Variants in ASRGL1 observed in about 807,000 individuals in gnomAD.
ASRGL1 encodes isoaspartyl peptidase/L-asparaginase.
Under a neutral mutation model 22.4 loss-of-function variants are expected in ASRGL1, and 16 were observed. That is an observed-to-expected ratio of 0.71 (90% confidence interval 0.48 to 1.08). ASRGL1 has a LOEUF of 1.08. Among genes scored for constraint, ASRGL1 ranks in the 50% least tolerant of loss-of-function variants. The probability of loss-of-function intolerance (pLI) is 0.00; values close to 1 mark genes in which losing one functional copy is unlikely to be tolerated. For missense variants in ASRGL1, 412 were observed against 410.1 expected, an observed-to-expected ratio of 1.00 and a Z score of -0.04; for synonymous variants, 165 against 159.3, an observed-to-expected ratio of 1.04 and a Z score of -0.27.
Position 62,356,359 on chromosome 11 carries a change from T to C in ASRGL1, c.225T>C (p.Val75=). ...CTGTCTTGAACACAAATGGTGAGGT[T>C]GAAATGGATGCTAGTATCATGGATG... The part of the protein sequence containing the change: ...CGSVLNTNGE[V]EMDASIMDGK... Residue 75 remains valine, a synonymous_variant, in exon 3 of 7, where the codon GTT becomes GTC. Transcript: ENST00000415229. The C allele has an allele frequency of 6.2e-7, 1 of 1,614,186 alleles. No individual in the cohort carries two copies. Among genetic ancestry groups the C allele is most frequent in the East Asian group, 2.2e-5 (1 of 44,886 alleles).
intron 4 of ASRGL1, among the ~76,000 whole-genome samples, chr11:62,359,195 A>G (rs889187453): frequency 6.6e-6 from 1 of 152,132 alleles, no homozygotes; most frequent in African/African-American, 2.4e-5. Context: ...GTAATTTGAC[A>G]TTTTCTAGTG....
At chr11:62,356,914 AC>A (rs1946310837) in intron 3 of ASRGL1, 72 bp from the exon 4 acceptor site, 1 of 1,478,080 alleles carries the variant, frequency 6.8e-7, no homozygotes, top group African/African-American at 1.4e-5. Flanking sequence ...AATTATTTCA[AC>A]ACAGTTGGAA....
chr11:62,342,136 A>C (rs1282076471), intron 2 of ASRGL1, among the ~76,000 whole-genome samples: 1 of 152,128 alleles, frequency 6.6e-6, no homozygotes, highest in Non-Finnish European at 1.5e-5. Flanking sequence ...TACATTTTCT[A>C]TTTGTTTCGA....
At chr11:62,399,966 A>G in the ASRGL1 span, among the ~76,000 whole-genome samples, 3 of 151,694 alleles carry the variant, frequency 2.0e-5, no homozygotes, top group Non-Finnish European at 4.4e-5. Flanking sequence ...AGGAAATCCC[A>G]CCTCCTTCCC....
At chr11:62,376,344 C>CT (rs1170682504) in intron 4 of ASRGL1, among the ~76,000 whole-genome samples, 11 of 151,672 alleles carry the variant, frequency 7.3e-5, no homozygotes, top group Admixed American at 2.6e-4. Flanking sequence ...CGCGGAGGCG[C>CT]TTTTTTTTGC....
intron 2 of ASRGL1, among the ~76,000 whole-genome samples, chr11:62,349,178 A>C (rs1181928068): frequency 6.6e-6 from 1 of 152,126 alleles, no homozygotes; most frequent in East Asian, 1.9e-4. Flanking sequence ...CATGTTGGCC[A>C]GGCTGGTCTC....
At chr11:62,382,155 G>A (rs904508373) in intron 4 of ASRGL1, 8 of 152,170 alleles carry the variant, frequency 5.3e-5, no homozygotes, top group African/African-American at 1.7e-4. Flanking sequence ...GGGCCCAGTG[G>A]CGGGTGCCTG....
At position 62,372,916 on chromosome 11, in the gene ASRGL1, G is replaced by T; in HGVS notation, c.491+15772G>T. On this transcript the variant is annotated intron_variant, in intron 4 of 6. Transcript: ENST00000415229. Reference sequence around the variant, plus strand: ...AGCTGGAGAATCTGGAGCCTGGCTTGTGGGAAGAGCAGCATCATTGTGGCA... The same window carrying T: ...AGCTGGAGAATCTGGAGCCTGGCTTTTGGGAAGAGCAGCATCATTGTGGCA... The T allele has an allele frequency of 8.3e-6, 13 of 1,574,256 alleles. No individual in the cohort carries two copies. The South Asian group carries it at 1.4e-4, about 17-fold the overall frequency.
intron 4 of ASRGL1, among the ~76,000 whole-genome samples, chr11:62,386,599 G>C (rs1272508738): frequency 6.7e-6 from 1 of 149,760 alleles, no homozygotes; most frequent in Non-Finnish European, 1.5e-5. Context: ...TGCAAATAAG[G>C]GGGGACTACT....
At chr11:62,401,276 C>T in the ASRGL1 span, among the ~76,000 whole-genome samples, 1 of 152,232 alleles carries the variant, frequency 6.6e-6, no homozygotes, top group African/African-American at 2.4e-5. Context: ...ATCATTGCAG[C>T]TGCACCTTCA....
chr11:62,361,556 C>T (rs1289175941), intron 4 of ASRGL1, among the ~76,000 whole-genome samples: 2 of 143,296 alleles, frequency 1.4e-5, no homozygotes, highest in Admixed American at 1.5e-4. Flanking sequence ...GGTACAATCT[C>T]GGCTCACTGC....
At chr11:62,401,232 G>A in the ASRGL1 span, among the ~76,000 whole-genome samples, 3 of 152,188 alleles carry the variant, frequency 2.0e-5, no homozygotes, top group Non-Finnish European at 2.9e-5. Context: ...CGATTTTCAC[G>A]CTAGCAAATG....
chr11:62,374,403 T>C (rs930807345), intron 4 of ASRGL1, among the ~76,000 whole-genome samples: 1 of 152,156 alleles, frequency 6.6e-6, no homozygotes, highest in Non-Finnish European at 1.5e-5. Context: ...GGGCTCTTGG[T>C]TTCCAGAGGG....
intron 4 of ASRGL1, among the ~76,000 whole-genome samples, chr11:62,363,652 A>G (rs188740970): frequency 1.3e-3 from 197 of 152,352 alleles, no homozygotes; most frequent in African/African-American, 3.9e-3. Flanking sequence ...ATAAATCCAT[A>G]TAGTATTTGA....
intron 4 of ASRGL1, among the ~76,000 whole-genome samples, chr11:62,376,701 T>G (rs1946941385): frequency 6.6e-6 from 1 of 152,170 alleles, no homozygotes; most frequent in Non-Finnish European, 1.5e-5. Context: ...TATTAGTTCT[T>G]TCAACTATGG....
chr11:62,399,686 A>C, the ASRGL1 span, among the ~76,000 whole-genome samples: 2 of 152,074 alleles, frequency 1.3e-5, no homozygotes, highest in African/African-American at 4.8e-5. Context: ...CACCTCTAGG[A>C]CCCAGCGGGC....
chr11:62,368,184 A>G (rs1009132447), intron 4 of ASRGL1, among the ~76,000 whole-genome samples: 3 of 152,110 alleles, frequency 2.0e-5, no homozygotes, highest in Non-Finnish European at 2.9e-5. Flanking sequence ...TTATTTTATT[A>G]TTGTTAATCT....
chr11:62,346,353 C>T (rs1185858650), intron 2 of ASRGL1, among the ~76,000 whole-genome samples: 1 of 152,016 alleles, frequency 6.6e-6, no homozygotes, highest in Non-Finnish European at 1.5e-5. Context: ...GTGGACCTTC[C>T]CTGCCCTCTT....
At chr11:62,390,248 A>G (rs1947306945) in intron 5 of ASRGL1, among the ~76,000 whole-genome samples, 1 of 152,216 alleles carries the variant, frequency 6.6e-6, no homozygotes, top group Non-Finnish European at 1.5e-5. Flanking sequence ...ACAGTGGTAA[A>G]TCTTGACAAG....
Sources: gnomAD v4.1 joint callset for allele counts (sites outside exome capture counted in the v4.1 genomes callset) on GRCh38, gnomAD v4.1.1 for gene constraint, MANE v1.5 for transcripts, NCBI Gene and HGNC (gene_info 2026-07-23, HGNC 2026-07-21) for gene names.